KCTD1: variants seen among roughly 807,000 people sequenced by gnomAD.
KCTD1 encodes the protein BTB/POZ domain-containing protein KCTD1.
A neutral mutation model predicts 66.0 loss-of-function variants in KCTD1; 24 were observed. The ratio of observed to expected loss-of-function variants is 0.36; its 90% CI spans 0.26 to 0.51. The LOEUF (loss-of-function observed/expected upper bound fraction) is 0.51, where lower values mean the gene tolerates loss of function less well. KCTD1 is among the 20% of genes least tolerant of loss of function. KCTD1 has a pLI of 0.95. For missense variants in KCTD1, 943 were observed against 1,205.2 expected, an observed-to-expected ratio of 0.78 and a Z score of 3.22; for synonymous variants, 511 against 517.2, an observed-to-expected ratio of 0.99 and a Z score of 0.16.
chr18:26,599,806 C>T lies in KCTD1; in HGVS notation c.-16+29341G>A, dbSNP rs556333061. 21 of 1,563,798 alleles carry T rather than the reference C, an allele frequency of 1.3e-5. No individual in the cohort carries two copies. In the East Asian group the frequency reaches 2.7e-4, roughly 20 times the overall value. On this transcript the variant is annotated intron_variant, in intron 1 of 4. Transcript: ENST00000317932. ...AGTGAAAGAGCTGCAGCGGGAGCCC[C>T]TAACCCCTGAGGAAATACAGTCTGT... is the stretch of plus-strand genomic sequence containing the variant.
intron 2 of KCTD1, among the ~76,000 whole-genome samples, chr18:26,484,243 G>T (rs1029179082): frequency 1.2e-4 from 18 of 152,114 alleles, no homozygotes; most frequent in African/African-American, 4.1e-4. Context: ...TATAGAAATG[G>T]ATAGAAGTAA....
chr18:26,547,532 C>T lies in KCTD1; in HGVS notation c.1005G>A (p.Gly335=). The change falls in exon 1 of 5, where the codon GGG becomes GGA. Residue 335 remains glycine, a synonymous_variant. Coordinates refer to ENST00000580059, the MANE Select transcript of KCTD1 (RefSeq NM_001142730.3). ...NQRELEEDSF[G]LAMDEDGRKF... ...TGCGACCGTCCTCGTCCATGGCCAG[C>T]CCAAAAGAGTCCTCCTCCAACTCAC... 1 of 1,551,620 alleles carries T rather than the reference C, an allele frequency of 6.4e-7. No individual in the cohort carries two copies. Among genetic ancestry groups the T allele is most frequent in the Non-Finnish European group, 8.7e-7 (1 of 1,146,990 alleles).
intron 1 of KCTD1, among the ~76,000 whole-genome samples, chr18:26,527,265 G>A (rs1187777903): frequency 6.6e-6 from 1 of 152,150 alleles, no homozygotes; most frequent in Admixed American, 6.5e-5. Context: ...AGCTTTAAAA[G>A]GGGAGGGAGA....
At chr18:26,499,779 CAAG>C (rs562084106) in intron 2 of KCTD1, among the ~76,000 whole-genome samples, 16 of 152,140 alleles carry the variant, frequency 1.1e-4, no homozygotes, top group Non-Finnish European at 2.1e-4. Flanking sequence ...TTCTGAAGCT[CAAG>C]GAGTGTGTTT....
intron 3 of KCTD1, among the ~76,000 whole-genome samples, chr18:26,474,721 T>C (rs75185916): frequency 8.5e-5 from 13 of 152,340 alleles, no homozygotes; most frequent in Non-Finnish European, 1.3e-4. Context: ...ATGTTTCTTA[T>C]GGTCTGACAC....
intron 1 of KCTD1, among the ~76,000 whole-genome samples, chr18:26,555,873 G>A (rs1598939660): frequency 6.6e-6 from 1 of 152,108 alleles, no homozygotes; most frequent in Non-Finnish European, 1.5e-5. Flanking sequence ...TTTAAAGCTC[G>A]TATTTCAATA....
upstream of KCTD1, chr18:26,549,710 A>T (rs570230302): frequency 1.0e-6 from 1 of 985,304 alleles, no homozygotes; most frequent in African/African-American, 1.7e-5. Context: ...GGCAATTCGG[A>T]TCCGGAGCGC....
chr18:26,561,779 A>G (rs1024314109), intron 1 of KCTD1, among the ~76,000 whole-genome samples: 1 of 152,202 alleles, frequency 6.6e-6, no homozygotes, highest in Non-Finnish European at 1.5e-5. Context: ...CTCCTGAGCC[A>G]AACAGTCTCT....
chr18:26,547,071 C>G lies in KCTD1; in HGVS notation c.1466G>C (p.Arg489Pro), dbSNP rs1281079581. Residue 489 changes from arginine to proline, a missense_variant, in exon 1 of 5, where the codon CGG (arginine) becomes CCG (proline). Arg to Pro is a moderately radical substitution (Grantham distance 103, BLOSUM62 -2). Coordinates refer to ENST00000580059, the MANE Select transcript of KCTD1 (RefSeq NM_001142730.3). ...CYAEALNGAA[R>P]HHSHHPPTHP... ...GGTGGGGGGGTGGTGGGAGTGGTGC[C>G]GTGCCGCCCCGTTCAGAGCCTCGGC... The G allele has an allele frequency of 1.3e-6, 2 of 1,524,240 alleles. No homozygotes were observed. The highest frequency in any genetic ancestry group is 4.9e-5 in the East Asian group (2 of 40,562). 94.4% of individuals were successfully genotyped at this position (1,524,240 alleles called of 1,614,324 possible).
intron 3 of KCTD1, among the ~76,000 whole-genome samples, chr18:26,462,529 T>C (rs71362642): frequency 0.083 from 12,675 of 152,278 alleles, 580 homozygotes; most frequent in Middle Eastern, 0.14. Flanking sequence ...TGACTGCTCA[T>C]CATGCTGCCT....
At chr18:26,470,231 C>A (rs1247917492) in intron 3 of KCTD1, among the ~76,000 whole-genome samples, 1 of 152,118 alleles carries the variant, frequency 6.6e-6, no homozygotes, top group African/African-American at 2.4e-5. Context: ...CTATTTCAAC[C>A]TCTTTCCCTT....
At chr18:26,575,444 G>A (rs1986203294) in intron 1 of KCTD1, 1 of 152,132 alleles carries the variant, frequency 6.6e-6, no homozygotes, top group African/African-American at 2.4e-5. Context: ...CTGAGACTGC[G>A]ACCCCCTGGA....
intron 1 of KCTD1, among the ~76,000 whole-genome samples, chr18:26,530,124 A>G (rs532227842): frequency 3.9e-5 from 6 of 152,318 alleles, no homozygotes; most frequent in African/African-American, 1.4e-4. Context: ...TTATTCCCTT[A>G]ATATTTCAAA....
At chr18:26,600,565 C>T (rs541153007) in intron 1 of KCTD1, among the ~76,000 whole-genome samples, 4 of 152,140 alleles carry the variant, frequency 2.6e-5, no homozygotes, top group African/African-American at 7.2e-5. Context: ...TTACTCAGCA[C>T]GGGATGGGTT....
intron 3 of KCTD1, among the ~76,000 whole-genome samples, chr18:26,475,609 G>C (rs963212289): frequency 6.6e-6 from 1 of 152,164 alleles, no homozygotes; most frequent in Non-Finnish European, 1.5e-5. Context: ...CCAGCACTTT[G>C]GGAGGCTGAG....
intron 1 of KCTD1, chr18:26,543,556 A>C (rs1985073837): frequency 6.6e-6 from 1 of 152,268 alleles, no homozygotes; most frequent in Non-Finnish European, 1.5e-5. Flanking sequence ...CCTCAAAGGT[A>C]AGTTAATGAA....
intron 3 of KCTD1, among the ~76,000 whole-genome samples, chr18:26,473,151 T>C (rs1349193938): frequency 6.6e-6 from 1 of 152,178 alleles, no homozygotes; most frequent in African/African-American, 2.4e-5. Flanking sequence ...AAAAACTGTA[T>C]ATACTATATT....
chr18:26,559,546 C>A (rs1434531731), intron 1 of KCTD1, among the ~76,000 whole-genome samples: 3 of 152,104 alleles, frequency 2.0e-5, no homozygotes, highest in Admixed American at 6.6e-5. Flanking sequence ...AACCACGGGC[C>A]TAGAAGAGGC....
intron 1 of KCTD1, among the ~76,000 whole-genome samples, chr18:26,584,475 A>T (rs559010994): frequency 6.6e-6 from 1 of 152,302 alleles, no homozygotes; most frequent in South Asian, 2.1e-4. Context: ...CTACATATGT[A>T]ATTTGCATTA....
Sources: gnomAD v4.1 joint callset for allele counts (sites outside exome capture counted in the v4.1 genomes callset) on GRCh38, gnomAD v4.1.1 for gene constraint, MANE v1.5 for transcripts, NCBI Gene and HGNC (gene_info 2026-07-23, HGNC 2026-07-21) for gene names.